The following ZFP64 variants were observed in gnomAD, a reference collection of about 807,000 sequenced individuals.
ZFP64 encodes zinc finger protein 64.
Under a neutral mutation model 51.6 loss-of-function variants are expected in ZFP64, and 14 were observed. That is an observed-to-expected ratio of 0.27 (90% CI 0.18 to 0.42). The LOEUF (loss-of-function observed/expected upper bound fraction) is 0.42. Among genes scored for constraint, ZFP64 ranks in the 10% least tolerant of loss-of-function variants. ZFP64 has a pLI of 1.00. For synonymous variants in ZFP64, 375 were observed against 361.4 expected (o/e 1.04, Z -0.43); for missense variants, 754 against 906.8 (o/e 0.83, Z 2.16).
chr20:52,191,557 C>G lies in ZFP64; in HGVS notation c.46+34G>C. ...CGGGCCCCGGAGCGCGCACTGGGCC[C>G]CGGAGCGCGCACTGCTCCCGGAAAA... On this transcript the variant is annotated intron_variant, in intron 1 of 5. Transcript: ENST00000216923. This position sits in a 1 kb window ranked among gnomAD's most constrained non-coding sequence, Gnocchi z 4.3. 6.5e-7 allele frequency: 1 copy of G among 1,545,618 alleles called. No individual in the cohort carries two copies. The highest frequency in any genetic ancestry group is 8.7e-7 in the Non-Finnish European group (1 of 1,151,080).
intron 2 of ZFP64, among the ~76,000 whole-genome samples, chr20:52,183,443 T>A (rs1033696): frequency 3.5e-4 from 54 of 152,202 alleles, no homozygotes; most frequent in African/African-American, 1.3e-3. Context: ...ACTGTCCTCA[T>A]GAAGAAGACC....
rs910428519 is a variant in ZFP64, at chr20:52,128,191, C to A, written c.764-29604G>T. Among the ~76,000 whole-genome samples, 3 of 152,300 alleles carry A rather than the reference C, an allele frequency of 2.0e-5. No homozygotes were observed. In the South Asian group the frequency reaches 6.2e-4, roughly 32 times the overall value. ...TGGTGGCTCACGCCTCTAATCACAG[C>A]ACTTTGGGAGGCCAAGGCAGGAGGA... On this transcript the variant is annotated intron_variant, in intron 5 of 8. Transcript: ENST00000361387.
In ZFP64 at chr20:52,160,873, G is replaced by C. The variant is rs1198075492; in HGVS notation, c.512-499C>G. Among the ~76,000 whole-genome samples, 1 of 152,152 alleles carries C rather than the reference G, an allele frequency of 6.6e-6. No homozygotes were observed. The highest frequency in any genetic ancestry group is 2.4e-5 in the African/African-American group (1 of 41,414). On this transcript the variant is annotated intron_variant, in intron 4 of 5. Coordinates refer to ENST00000216923, the MANE Select transcript of ZFP64 (RefSeq NM_018197.3). This position sits in a 1 kb window ranked among gnomAD's most constrained non-coding sequence, Gnocchi z 4.2. Reference sequence around the variant, plus strand: ...TCAAAGCGATGGCAGAGAAAGTAAAGTGTGTCTCTTTCACAAGAGGAAACG... The same window carrying C: ...TCAAAGCGATGGCAGAGAAAGTAAACTGTGTCTCTTTCACAAGAGGAAACG...
At chr20:52,176,946 C>A (rs1168821712) in intron 2 of ZFP64, among the ~76,000 whole-genome samples, 1 of 152,142 alleles carries the variant, frequency 6.6e-6, no homozygotes, top group Admixed American at 6.5e-5. Context: ...ACGAACAGTC[C>A]TATATAACGG....
At position 52,141,222 on chromosome 20, in the gene ZFP64, A is replaced by T. The variant is rs1215662030; in HGVS notation, c.763+18901T>A. ...TAACATAACCTCCATTCTGTAGCCC[A>T]TGGATGAGGGGGTAATTTTGACCTT... On this transcript the variant is annotated intron_variant, in intron 5 of 8. Coordinates refer to the ZFP64 transcript ENST00000361387. Among the ~76,000 whole-genome samples the T allele has an allele frequency of 1.4e-3, 219 of 152,358 alleles. 9 individuals are homozygous for T. The highest frequency in any genetic ancestry group is 2.9e-5 in the Non-Finnish European group (2 of 68,036).
intron 7 of ZFP64, among the ~76,000 whole-genome samples, chr20:52,091,528 G>A (rs1007670387): frequency 2.0e-5 from 3 of 152,164 alleles, no homozygotes; most frequent in Non-Finnish European, 4.4e-5. Flanking sequence ...TCATATGGAT[G>A]AGAGAGTTCA....
intron 5 of ZFP64, among the ~76,000 whole-genome samples, chr20:52,118,842 C>T (rs953816414): frequency 1.3e-5 from 2 of 152,098 alleles, no homozygotes; most frequent in African/African-American, 4.8e-5. Flanking sequence ...AGATCTTGGG[C>T]AGGTAAAGAA....
At chr20:52,104,424 G>A (rs1317840443) in intron 5 of ZFP64, among the ~76,000 whole-genome samples, 1 of 152,186 alleles carries the variant, frequency 6.6e-6, no homozygotes, top group South Asian at 2.1e-4. Context: ...GGGGGTGTGG[G>A]GGCCGCCTGT....
In ZFP64 at chr20:52,165,976, G is replaced by A. The variant is rs1272263593; in HGVS notation, c.336C>T (p.Pro112=). ...VFEHGYQTYL[P]TESNENQTAT... Reference sequence around the variant, plus strand: ...CTGTCTGGTTTTCATTACTTTCCGTGGGCAGGTAAGTTTGATAGCCATGTT... The same window carrying A: ...CTGTCTGGTTTTCATTACTTTCCGTAGGCAGGTAAGTTTGATAGCCATGTT... Residue 112 remains proline (P), a synonymous_variant, in exon 3 of 6, where the codon CCC becomes CCT. Transcript: ENST00000216923. The A allele has an allele frequency of 1.2e-6, 2 of 1,613,776 alleles. No homozygotes were observed. Among genetic ancestry groups the A allele is most frequent in the East Asian group, 2.2e-5 (1 of 44,878 alleles).
chr20:52,088,583 G>A, exon 8 of ZFP64: 1 of 1,614,210 alleles, frequency 6.2e-7, no homozygotes, highest in Non-Finnish European at 8.5e-7. Flanking sequence ...CATGTGCATG[G>A]TCAGGTTGTC....
intron 5 of ZFP64, among the ~76,000 whole-genome samples, chr20:52,119,932 T>G (rs1299066348): frequency 2.0e-5 from 3 of 152,066 alleles, no homozygotes; most frequent in Non-Finnish European, 4.4e-5. Context: ...TAATTTCCTA[T>G]TTTTCCTTTC....
At position 52,104,290 on chromosome 20, in the gene ZFP64, G is replaced by A. The variant is rs1425682097; in HGVS notation, c.764-5703C>T. ...CTTGCAGGAAGAATTTGGCGAGCGA[G>A]AAAAGGTCCCCTCCCGCAGGCTCTT... On this transcript the variant is annotated intron_variant, in intron 5 of 8. Coordinates refer to the ZFP64 transcript ENST00000361387. 3.3e-5 allele frequency among the ~76,000 whole-genome samples: 5 copies of A among 152,220 alleles called. No individual in the cohort carries two copies. In the South Asian group the frequency reaches 8.3e-4, roughly 25 times the overall value.
chr20:52,137,884 T>C (rs1401103910), intron 5 of ZFP64, among the ~76,000 whole-genome samples: 2 of 152,076 alleles, frequency 1.3e-5, no homozygotes, highest in Non-Finnish European at 2.9e-5. Flanking sequence ...TTGTTAAATA[T>C]TGGAAAGCAG....
Position 52,153,486 on chromosome 20 carries a change from C to T in ZFP64, c.764-58G>A, listed in dbSNP as rs1981052615. 3 of 1,547,674 alleles carry T rather than the reference C, an allele frequency of 1.9e-6. No individual in the cohort carries two copies. The highest frequency in any genetic ancestry group is 1.9e-5 in the Admixed American group (1 of 52,462). On this transcript the variant is annotated intron_variant, in intron 5 of 5. Coordinates refer to ENST00000216923, the MANE Select transcript of ZFP64 (RefSeq NM_018197.3). The surrounding 1 kb of genome is among the most constrained non-coding windows in gnomAD (Gnocchi z 5.1). ...GGCAGGCAACAACCACAGCGGATCC[C>T]CCCGAAGCACACACCAGAAAATCGC... is the stretch of plus-strand genomic sequence containing the variant.
At chr20:52,100,266 AAC>A (rs150837709) in intron 5 of ZFP64, among the ~76,000 whole-genome samples, 2,436 of 147,448 alleles carry the variant, frequency 0.017, 58 homozygotes, top group African/African-American at 0.059. Context: ...TTTTTTTTGA[AAC>A]AGAGTCTCAC....
At position 52,185,725 on chromosome 20, in the gene ZFP64, C is replaced by T. The variant is rs944043398; in HGVS notation, c.286+1107G>A. On this transcript the variant is annotated intron_variant, in intron 2 of 5. Coordinates refer to ENST00000216923, the MANE Select transcript of ZFP64 (RefSeq NM_018197.3). ...TCCCCCGAGTAGCTGGGATTACAGG[C>T]GCCTGCCACCACGCCCGGCTAATTT... Among the ~76,000 whole-genome samples, 7 of 152,068 alleles carry T rather than the reference C, an allele frequency of 4.6e-5. No individual in the cohort carries two copies. The South Asian group carries it at 6.2e-4, about 14-fold the overall frequency.
At chr20:52,182,806 A>G (rs1236266001) in intron 2 of ZFP64, among the ~76,000 whole-genome samples, 3 of 152,216 alleles carry the variant, frequency 2.0e-5, no homozygotes, top group Non-Finnish European at 4.4e-5. Context: ...TTACTGATGC[A>G]TATGAGATGT....
chr20:52,166,663 G>A (rs958760663), intron 2 of ZFP64, among the ~76,000 whole-genome samples: 10 of 151,872 alleles, frequency 6.6e-5, no homozygotes, highest in African/African-American at 2.4e-4. Flanking sequence ...GCCATGCTGC[G>A]CGGGCTGGTC....
chr20:52,155,860 A>T (rs1399444171), intron 5 of ZFP64, among the ~76,000 whole-genome samples: 1 of 152,208 alleles, frequency 6.6e-6, no homozygotes, highest in Non-Finnish European at 1.5e-5. Context: ...TTGGGTTGCT[A>T]CTAAAACAAG....
Sources: allele counts gnomAD v4.1 joint callset (sites outside exome capture counted in the v4.1 genomes callset), GRCh38; gene constraint gnomAD v4.1.1; non-coding constraint Gnocchi (gnomAD v3.1); transcripts MANE v1.5; gene names NCBI Gene and HGNC (gene_info 2026-07-23, HGNC 2026-07-21).